The following PPM1H variants were observed in gnomAD, a reference collection of about 807,000 sequenced individuals.
The protein encoded by PPM1H is protein phosphatase, Mg2+/Mn2+ dependent 1H, also known as protein phosphatase 1H.
PPM1H carries 27 observed loss-of-function variants against 54.9 expected under a neutral mutation model. That is an observed-to-expected ratio of 0.49 (90% CI 0.36 to 0.68). PPM1H has a LOEUF of 0.68. Ranked by LOEUF, PPM1H falls within the 30% of genes least tolerant of loss-of-function variation. The pLI, the probability that PPM1H is intolerant of heterozygous loss-of-function variation, is 0.00. For missense variants in PPM1H, 596 were observed against 667.8 expected, an observed-to-expected ratio of 0.89 and a Z score of 1.19; for synonymous variants, 305 against 270.8, an observed-to-expected ratio of 1.13 and a Z score of -1.24.
intron 1 of PPM1H, among the ~76,000 whole-genome samples, chr12:62,876,394 A>G (rs1870170702): frequency 6.6e-6 from 1 of 152,184 alleles, no homozygotes; most frequent in Non-Finnish European, 1.5e-5. Context: ...GGAGATCCAT[A>G]ATTTTGCTCT....
chr12:62,800,971 G>A (rs1419715337), intron 3 of PPM1H, among the ~76,000 whole-genome samples: 1 of 152,200 alleles, frequency 6.6e-6, no homozygotes, highest in East Asian at 1.9e-4. Context: ...AGATGGAAAC[G>A]AACAGACAAA....
chr12:62,753,333 T>C (rs2076452602), intron 4 of PPM1H, among the ~76,000 whole-genome samples: 1 of 152,228 alleles, frequency 6.6e-6, no homozygotes, highest in Non-Finnish European at 1.5e-5. Flanking sequence ...CAAATGAAGA[T>C]TCCTCATGCT....
At chr12:62,756,084 A>T in intron 4 of PPM1H, 1 of 1,030,360 alleles carries the variant, frequency 9.7e-7, no homozygotes, top group Non-Finnish European at 1.5e-6. Context: ...CTCTGATTTT[A>T]ACAGCGACAT....
intron 9 of PPM1H, among the ~76,000 whole-genome samples, chr12:62,654,720 G>A (rs557892556): frequency 2.6e-5 from 4 of 152,238 alleles, no homozygotes; most frequent in South Asian, 2.1e-4. Context: ...GTATGGATTC[G>A]CCGCTGCTAA....
intron 1 of PPM1H, among the ~76,000 whole-genome samples, chr12:62,918,207 C>A (rs1280804021): frequency 6.6e-6 from 1 of 152,096 alleles, no homozygotes; most frequent in Non-Finnish European, 1.5e-5. Flanking sequence ...AAGACTACCT[C>A]AAGCTGCCCC....
At chr12:62,785,662 T>C (rs2076666606) in intron 4 of PPM1H, among the ~76,000 whole-genome samples, 1 of 152,102 alleles carries the variant, frequency 6.6e-6, no homozygotes, top group South Asian at 2.1e-4. Flanking sequence ...ACTGCCTTTA[T>C]AGATGAAATT....
intron 2 of PPM1H, among the ~76,000 whole-genome samples, chr12:62,802,659 G>A (rs935713529): frequency 6.6e-6 from 1 of 151,978 alleles, no homozygotes; most frequent in African/African-American, 2.4e-5. Context: ...CACCGCCCAG[G>A]TTCAAGCGAT....
intron 5 of PPM1H, among the ~76,000 whole-genome samples, chr12:62,721,200 A>T (rs527753778): frequency 6.6e-6 from 1 of 152,334 alleles, no homozygotes; most frequent in South Asian, 2.1e-4. Context: ...TGTATGGGTC[A>T]TAGGCATCTC....
intron 2 of PPM1H, among the ~76,000 whole-genome samples, chr12:62,824,036 G>T (rs182386422): frequency 1.6e-4 from 24 of 149,624 alleles, no homozygotes; most frequent in African/African-American, 5.9e-4. Flanking sequence ...TAAGCTGATA[G>T]GCAACTTCAG....
Position 62,910,119 on chromosome 12 carries a change from C to T in PPM1H, c.245+24373G>A, listed in dbSNP as rs142857744. 6.4e-4 allele frequency among the ~76,000 whole-genome samples: 97 copies of T among 151,862 alleles called. 2 individuals are homozygous for T. The highest frequency in any genetic ancestry group is 4.9e-3 in the Admixed American group (75 of 15,248). Reference sequence around the variant, plus strand: ...TTCTCCACAGATGAACCAGTATGCACGAAAAGCCTGGAGTGGAGAAGAAAC... The same window carrying T: ...TTCTCCACAGATGAACCAGTATGCATGAAAAGCCTGGAGTGGAGAAGAAAC... On this transcript the variant is annotated intron_variant, in intron 1 of 9. Transcript: ENST00000228705.
chr12:62,699,346 G>A lies in PPM1H; in HGVS notation c.1074-5347C>T, dbSNP rs554382362. Among the ~76,000 whole-genome samples, 31 of 152,234 alleles carry A rather than the reference G, an allele frequency of 2.0e-4. No individual in the cohort carries two copies. The South Asian group carries it at 2.9e-3, about 14-fold the overall frequency. ...CGAGTAGCTGGGATTACAGGCGTGC[G>A]CCACTACCCCCAGCTAATTTTTTGT... On this transcript the variant is annotated intron_variant, in intron 6 of 9. Coordinates refer to ENST00000228705, the MANE Select transcript of PPM1H (RefSeq NM_020700.2).
intron 1 of PPM1H, among the ~76,000 whole-genome samples, chr12:62,874,291 G>C (rs927848689): frequency 6.6e-5 from 10 of 152,186 alleles, no homozygotes; most frequent in African/African-American, 2.2e-4. Context: ...TGGCACAGAA[G>C]AGTGGAAATA....
chr12:62,884,304 TG>T (rs5798663), intron 1 of PPM1H, among the ~76,000 whole-genome samples: 5,715 of 149,594 alleles, frequency 0.038, 305 homozygotes, highest in African/African-American at 0.12. Flanking sequence ...CTGGCCGACA[TG>T]GTGAAATCCT....
chr12:62,723,758 T>C (rs903291721), intron 5 of PPM1H, among the ~76,000 whole-genome samples: 7 of 152,174 alleles, frequency 4.6e-5, no homozygotes, highest in Non-Finnish European at 7.3e-5. Flanking sequence ...TAAATACAGA[T>C]ACGTGGCATG....
intron 6 of PPM1H, among the ~76,000 whole-genome samples, chr12:62,702,544 C>CAGAGAGAGAG (rs66497730): frequency 0.044 from 6,220 of 140,590 alleles, 235 homozygotes; most frequent in East Asian, 0.13. Context: ...CCTTGAGCTA[C>CAGAGAGAGAG]AGAGAGAGAG....
chr12:62,827,060 C>A (rs943447454), intron 2 of PPM1H, among the ~76,000 whole-genome samples: 3 of 152,182 alleles, frequency 2.0e-5, no homozygotes, highest in African/African-American at 7.2e-5. Flanking sequence ...TCTATGGCTG[C>A]AACTATAATT....
At chr12:62,919,204 A>C (rs1871715641) in intron 1 of PPM1H, among the ~76,000 whole-genome samples, 1 of 152,242 alleles carries the variant, frequency 6.6e-6, no homozygotes, top group African/African-American at 2.4e-5. Context: ...CTGTTTTTCA[A>C]CAAGAAAGAG....
rs11174632 is a variant in PPM1H, at chr12:62,750,452, C to A, written c.870-12866G>T. ...ATCCATGTTACAGCATGCATCAATA[C>A]TTCATTCCTTCTTGTGGCTAAATAA... On this transcript the variant is annotated intron_variant, in intron 4 of 9. Transcript: ENST00000228705. Among the ~76,000 whole-genome samples, 674 of 152,328 alleles carry A rather than the reference C, an allele frequency of 4.4e-3. 5 individuals are homozygous for A. The highest frequency in any genetic ancestry group is 0.016 in the African/African-American group (648 of 41,574).
intron 9 of PPM1H, chr12:62,658,791 G>C: frequency 2.2e-6 from 1 of 458,784 alleles, no homozygotes; most frequent in South Asian, 1.9e-5. Flanking sequence ...AAGAAAGAAA[G>C]AAAGAGGGGC....
Sources: gnomAD v4.1 joint callset for allele counts (sites outside exome capture counted in the v4.1 genomes callset) on GRCh38, gnomAD v4.1.1 for gene constraint, MANE v1.5 for transcripts, NCBI Gene and HGNC (gene_info 2026-07-23, HGNC 2026-07-21) for gene names.